The following CYP46A1 variants were observed in gnomAD, a reference collection of about 807,000 sequenced individuals.
CYP46A1 encodes cytochrome P450 family 46 subfamily A member 1.
In CYP46A1, 20 loss-of-function variants were observed where a neutral mutation model predicts 63.3. That is an observed-to-expected ratio of 0.32 (90% CI 0.22 to 0.46). CYP46A1 has a LOEUF of 0.46. CYP46A1 is among the 20% of genes least tolerant of loss of function. The pLI is 1.00. For synonymous variants in CYP46A1, 268 were observed against 273.6 expected, an observed-to-expected ratio of 0.98 and a Z score of 0.20; for missense variants, 445 against 670.8, an observed-to-expected ratio of 0.66 and a Z score of 3.72.
chr14:99,703,029 A>G (rs1226343200), intron 5 of CYP46A1, among the ~76,000 whole-genome samples: 1 of 152,144 alleles, frequency 6.6e-6, no homozygotes, highest in Non-Finnish European at 1.5e-5. Context: ...TTTGAAGATG[A>G]CAGGACAGTT....
intron 10 of CYP46A1, 66 bp from the exon 11 acceptor site, chr14:99,721,173 T>C: frequency 8.2e-7 from 1 of 1,226,576 alleles, no homozygotes; most frequent in Middle Eastern, 1.9e-4. Flanking sequence ...TGCCCCCTTC[T>C]TAAAGCTAAG....
In CYP46A1 at chr14:99,706,383, C is replaced by T. The variant is rs2056676000; in HGVS notation, c.444-264C>T. On this transcript the variant is annotated intron_variant, in intron 5 of 14. Transcript: ENST00000261835. Reference sequence around the variant, plus strand: ...GGTCAGGGCTGAAGGGCCACAGTGACCAACAGAGTACCTGTGGAACTGTTA... The same window carrying T: ...GGTCAGGGCTGAAGGGCCACAGTGATCAACAGAGTACCTGTGGAACTGTTA... 7.1e-6 allele frequency: 3 copies of T among 422,832 alleles called. No individual in the cohort carries two copies. The Admixed American group carries it at 1.1e-4, about 16-fold the overall frequency. The allele number at this position is 422,832 out of a possible 1,614,324, so 26.2% of individuals were successfully genotyped here. A position where few individuals can be genotyped will look rare whatever the true frequency, so the allele number is the denominator to read the frequency against.
chr14:99,699,316 T>G, intron 3 of CYP46A1, 150 bp from the exon 4 acceptor site: 1 of 757,716 alleles, frequency 1.3e-6, no homozygotes, highest in Non-Finnish European at 2.4e-6. Flanking sequence ...TACTTGAAGA[T>G]AGGGACGATT....
At chr14:99,723,699 G>T (rs936836330) in intron 12 of CYP46A1, among the ~76,000 whole-genome samples, 2 of 152,184 alleles carry the variant, frequency 1.3e-5, no homozygotes, top group African/African-American at 2.4e-5. Context: ...TGTTTTTGAT[G>T]ATCTGCATGT....
rs759270554 is a variant in CYP46A1 at position 99,725,500 on chromosome 14, C to T, written c.1265+21C>T. On this transcript the variant is annotated intron_variant, in intron 13 of 14. Coordinates refer to ENST00000261835, the MANE Select transcript of CYP46A1 (RefSeq NM_006668.2). The surrounding 1 kb of genome is among the most constrained non-coding windows in gnomAD (Gnocchi z 4.2). Reference sequence around the variant, plus strand: ...CCCAAGTAAGTCCCTCCTGGAGCTGCCCATGAGTGGGGCTGGCGGGAGAAG... The same window carrying T: ...CCCAAGTAAGTCCCTCCTGGAGCTGTCCATGAGTGGGGCTGGCGGGAGAAG... 1 of 1,587,766 alleles carries T rather than the reference C, an allele frequency of 6.3e-7. No homozygotes were observed. Among genetic ancestry groups the T allele is most frequent in the Non-Finnish European group, 8.7e-7 (1 of 1,156,068 alleles).
rs568187423 is a variant in CYP46A1 at position 99,725,418 on chromosome 14, G to C, written c.1204G>C (p.Asp402His). ...CAGCACCTATGTCATGGGGCGGATG[G>C]ACACATACTTTGAGGACCCGCTGAC... ...LFSTYVMGRMDTYFEDPLTFN... is the reference protein window; with the variant it reads ...LFSTYVMGRMHTYFEDPLTFN... The change falls in exon 13 of 15, where the codon GAC becomes CAC. Residue 402 changes from aspartate (D) to histidine (H), a missense_variant. By Grantham distance (81) the Asp-to-His change is moderately conservative. Coordinates refer to ENST00000261835, the MANE Select transcript of CYP46A1 (RefSeq NM_006668.2). The surrounding 1 kb of genome is among the most constrained non-coding windows in gnomAD (Gnocchi z 4.2). The C allele has an allele frequency of 6.2e-7, 1 of 1,614,150 alleles. No individual in the cohort carries two copies. The highest frequency in any genetic ancestry group is 1.3e-5 in the African/African-American group (1 of 75,020).
chr14:99,720,073 CT>C (rs1413698693), intron 10 of CYP46A1, among the ~76,000 whole-genome samples: 1 of 152,054 alleles, frequency 6.6e-6, no homozygotes, highest in Non-Finnish European at 1.5e-5. Context: ...AACTCCCTTC[CT>C]TTTTAAGACT....
chr14:99,697,404 T>C (rs1423222876), intron 3 of CYP46A1, among the ~76,000 whole-genome samples: 1 of 152,208 alleles, frequency 6.6e-6, no homozygotes, highest in African/African-American at 2.4e-5. Flanking sequence ...CCTCCTTTGG[T>C]CTGCCTAGCC....
intron 11 of CYP46A1, among the ~76,000 whole-genome samples, chr14:99,721,564 G>A (rs145019569): frequency 6.6e-6 from 1 of 152,292 alleles, no homozygotes; most frequent in African/African-American, 2.4e-5. Context: ...AGTAAATGGT[G>A]CCGTATTTGT....
intron 11 of CYP46A1, 41 bp from the exon 12 acceptor site, chr14:99,721,915 C>A: frequency 6.5e-7 from 1 of 1,546,970 alleles, no homozygotes; most frequent in Non-Finnish European, 8.9e-7. Context: ...TCTGTGGCCT[C>A]TCCCGACTCT....
rs1246808477 is a variant in CYP46A1 at position 99,722,414 on chromosome 14, T to C, written c.1176+348T>C. ...TTTCACAGTTGACCCAAACTTGTCC[T>C]GGTTCCTTCTCTCCTCACGTTTTAC... On this transcript the variant is annotated intron_variant, in intron 12 of 14. Coordinates refer to ENST00000261835, the MANE Select transcript of CYP46A1 (RefSeq NM_006668.2). The surrounding 1 kb of genome is among the most constrained non-coding windows in gnomAD (Gnocchi z 4.6). Among the ~76,000 whole-genome samples, 1 of 152,212 alleles carries C rather than the reference T, an allele frequency of 6.6e-6. No individual in the cohort carries two copies. The highest frequency in any genetic ancestry group is 2.4e-5 in the African/African-American group (1 of 41,454).
At chr14:99,696,623 A>G (rs943270044) in intron 3 of CYP46A1, among the ~76,000 whole-genome samples, 1 of 150,286 alleles carries the variant, frequency 6.7e-6, no homozygotes, top group Non-Finnish European at 1.5e-5. Flanking sequence ...TTCTTTGTTA[A>G]TTCTATTTGG....
rs2056853522 is a variant in CYP46A1, at chr14:99,722,140, A to G, written c.1176+74A>G. 8.7e-7 allele frequency: 1 copy of G among 1,153,016 alleles called. No individual in the cohort carries two copies. Among genetic ancestry groups the G allele is most frequent in the African/African-American group, 1.5e-5 (1 of 65,992 alleles). 71.4% of individuals were successfully genotyped at this position (1,153,016 alleles called of 1,614,324 possible). On this transcript the variant is annotated intron_variant, in intron 12 of 14. Coordinates refer to ENST00000261835, the MANE Select transcript of CYP46A1 (RefSeq NM_006668.2). This position sits in a 1 kb window ranked among gnomAD's most constrained non-coding sequence, Gnocchi z 4.6. ...AATGGTGGTGAATTTGGGACTCACC[A>G]GGGGAGCCTGTGGCCCTGTTCCCAT...
intron 9 of CYP46A1, 29 bp downstream of exon 9, chr14:99,716,228 C>T (rs376815461): frequency 2.0e-5 from 33 of 1,612,340 alleles, no homozygotes; most frequent in African/African-American, 5.3e-5. Flanking sequence ...GGCCAAGGGC[C>T]CGGAGCTCTG....
chr14:99,703,719 C>T (rs2056651237), intron 5 of CYP46A1: 10 of 958,924 alleles, frequency 1.0e-5, no homozygotes, highest in Non-Finnish European at 1.2e-5. Context: ...ACCTCCCTCA[C>T]TAGACCACGG....
rs180706005 is a variant in CYP46A1, at chr14:99,724,517, G to A, written c.1177-874G>A. 4.9e-4 allele frequency among the ~76,000 whole-genome samples: 74 copies of A among 152,330 alleles called. 1 individual carries two copies. The East Asian group carries it at 0.011, about 22-fold the overall frequency. ...CCTGTGGCTCACTCTCAGCCTGGGG[G>A]TGCCACCCTGTGGGCTTTGAGTGGG... On this transcript the variant is annotated intron_variant, in intron 12 of 14. Transcript: ENST00000261835.
Position 99,726,768 on chromosome 14 carries a change from GTGCCCGCCCACCTCTGC to G in CYP46A1, c.*47_*63del. The stretch of plus-strand genomic sequence containing the variant: ...GGACGAGACTCCTCGGGCAAGGGCC[GTGCCCGCCCACCTCTGC>G]TGCCCACGGCCACCCACCCTTCTCC... On this transcript the variant is annotated 3_prime_UTR_variant, in exon 15 of 15. Coordinates refer to ENST00000261835, the MANE Select transcript of CYP46A1 (RefSeq NM_006668.2). 1 of 1,437,056 alleles carries G rather than the reference GTGCCCGCCCACCTCTGC, an allele frequency of 7.0e-7. No homozygotes were observed. Among genetic ancestry groups the G allele is most frequent in the Non-Finnish European group, 9.2e-7 (1 of 1,081,288 alleles). The allele number at this position is 1,437,056 out of a possible 1,614,324, so 89.0% of individuals were successfully genotyped here.
chr14:99,717,230 A>G (rs1185071281), intron 9 of CYP46A1, among the ~76,000 whole-genome samples: 1 of 152,116 alleles, frequency 6.6e-6, no homozygotes, highest in African/African-American at 2.4e-5. Context: ...GCTTCTATCC[A>G]GCCTTCCAGA....
intron 12 of CYP46A1, among the ~76,000 whole-genome samples, chr14:99,723,392 T>A (rs543009973): frequency 2.0e-4 from 30 of 152,242 alleles, no homozygotes; most frequent in Non-Finnish European, 3.7e-4. Context: ...CACTGCAACC[T>A]CTGCCTCCCG....
Sources: allele counts gnomAD v4.1 joint callset (sites outside exome capture counted in the v4.1 genomes callset), GRCh38; gene constraint gnomAD v4.1.1; non-coding constraint Gnocchi (gnomAD v3.1); transcripts MANE v1.5; gene names NCBI Gene and HGNC (gene_info 2026-07-23, HGNC 2026-07-21).